The following DSCAM variants were observed in gnomAD, a reference collection of about 807,000 sequenced individuals.
DSCAM encodes the protein cell adhesion molecule DSCAM.
A neutral mutation model predicts 217.7 loss-of-function variants in DSCAM; 47 were observed. The ratio of observed to expected loss-of-function variants is 0.22; its 90% CI spans 0.17 to 0.28. The LOEUF is 0.28. DSCAM is among the 10% of genes least tolerant of loss of function. DSCAM has a pLI of 1.00. For missense variants in DSCAM, 2,080 were observed against 2,618.3 expected (o/e 0.79, Z 4.49); for synonymous variants, 1,056 against 1,015.3 (o/e 1.04, Z -0.76).
intron 1 of DSCAM, among the ~76,000 whole-genome samples, chr21:40,734,334 A>C (rs2091041938): frequency 6.6e-6 from 1 of 152,210 alleles, no homozygotes; most frequent in African/African-American, 2.4e-5. Flanking sequence ...TCCTCTTCCC[A>C]AACCCATCTC....
At chr21:40,749,940 T>C (rs1423223128) in intron 1 of DSCAM, among the ~76,000 whole-genome samples, 4 of 151,888 alleles carry the variant, frequency 2.6e-5, no homozygotes, top group Non-Finnish European at 2.9e-5. Flanking sequence ...TCTTCTTCTT[T>C]TTTTTTTTCC....
At chr21:40,539,739 GA>G (rs1301953845) in intron 3 of DSCAM, among the ~76,000 whole-genome samples, 3 of 151,888 alleles carry the variant, frequency 2.0e-5, no homozygotes, top group Non-Finnish European at 4.4e-5. Flanking sequence ...GTTATTAATT[GA>G]AAAAAAGACA....
intron 9 of DSCAM, among the ~76,000 whole-genome samples, chr21:40,304,356 G>C (rs2074048708): frequency 6.6e-6 from 1 of 152,180 alleles, no homozygotes; most frequent in Non-Finnish European, 1.5e-5. Flanking sequence ...CCTGTATCAA[G>C]CTTGTACTTA....
chr21:40,626,896 G>T (rs1300186650), intron 3 of DSCAM, among the ~76,000 whole-genome samples: 1 of 152,206 alleles, frequency 6.6e-6, no homozygotes. Flanking sequence ...CAAAGCGAAT[G>T]CTATAAAACT....
chr21:40,663,050 T>A (rs1215816920), intron 3 of DSCAM, among the ~76,000 whole-genome samples: 3 of 90,894 alleles, frequency 3.3e-5, no homozygotes, highest in African/African-American at 9.3e-5. Flanking sequence ...CATGTGAGTG[T>A]GTGTGTGTGC....
At position 40,187,901 on chromosome 21, in the gene DSCAM, G is replaced by T. The variant is rs924416871; in HGVS notation, c.2640C>A (p.Leu880=). 6.2e-7 allele frequency: 1 copy of T among 1,613,392 alleles called. No homozygotes were observed. The highest frequency in any genetic ancestry group is 1.7e-5 in the Admixed American group (1 of 59,996). Residue 880 remains leucine (L), a synonymous_variant, in exon 13 of 33, where the codon CTC becomes CTA. Transcript: ENST00000400454. ...CTATCGTCTTCCTACCTTGCACTGTGAGCTGAATTATTCCACGGTCCTCCC... is the reference window on the plus strand; with the variant it reads ...CTATCGTCTTCCTACCTTGCACTGTTAGCTGAATTATTCCACGGTCCTCCC... ...SYGEDRGIIQ[L]TVQEPPDPPE...
At chr21:40,717,961 G>C (rs1273275366) in intron 1 of DSCAM, among the ~76,000 whole-genome samples, 1 of 152,208 alleles carries the variant, frequency 6.6e-6, no homozygotes, top group South Asian at 2.1e-4. Flanking sequence ...TCTGCTGGGA[G>C]TCTAGGCCAG....
At chr21:40,505,175 A>G (rs1375583320) in intron 3 of DSCAM, among the ~76,000 whole-genome samples, 1 of 152,218 alleles carries the variant, frequency 6.6e-6, no homozygotes, top group African/African-American at 2.4e-5. Flanking sequence ...AATCAGTGGA[A>G]GTGGATTTAG....
intron 3 of DSCAM, among the ~76,000 whole-genome samples, chr21:40,534,908 A>T (rs775622372): frequency 6.6e-6 from 1 of 152,060 alleles, no homozygotes; most frequent in Non-Finnish European, 1.5e-5. Flanking sequence ...TAATCTCTAA[A>T]CTTACGTGGT....
At chr21:40,681,078 T>C (rs2090395407) in intron 3 of DSCAM, among the ~76,000 whole-genome samples, 1 of 152,262 alleles carries the variant, frequency 6.6e-6, no homozygotes, top group Non-Finnish European at 1.5e-5. Flanking sequence ...TTTGAGGCAA[T>C]TTTTTCATGC....
chr21:40,014,594 C>T (rs1018012809), intron 32 of DSCAM, among the ~76,000 whole-genome samples: 2 of 152,180 alleles, frequency 1.3e-5, no homozygotes, highest in Admixed American at 6.5e-5. Context: ...CCATCAGCCT[C>T]ACTGCAGCCT....
chr21:40,022,206 C>A (rs1327696200), intron 32 of DSCAM, among the ~76,000 whole-genome samples: 1 of 152,130 alleles, frequency 6.6e-6, no homozygotes. Flanking sequence ...GTGGCTTTGT[C>A]CCCAGGGGAC....
intron 3 of DSCAM, among the ~76,000 whole-genome samples, chr21:40,686,135 CACATCACACACACCCCCTGCATAT>C (rs1337202886): frequency 2.0e-5 from 3 of 151,486 alleles, no homozygotes; most frequent in Non-Finnish European, 4.4e-5. Flanking sequence ...ACAGAGCACA[CACATCACACACACCCCCTGCATAT>C]ATCACACACA....
intron 11 of DSCAM, among the ~76,000 whole-genome samples, chr21:40,263,496 A>G (rs11088511): frequency 0.084 from 12,782 of 152,070 alleles, 1,275 homozygotes; most frequent in East Asian, 0.22. Context: ...GGAAATTTAA[A>G]TTTTTTTTCA....
chr21:40,348,656 C>T (rs1691615919), intron 5 of DSCAM, among the ~76,000 whole-genome samples: 1 of 152,238 alleles, frequency 6.6e-6, no homozygotes, highest in African/African-American at 2.4e-5. Flanking sequence ...TCCTATCAGC[C>T]ACATTTTTGC....
At chr21:40,463,409 C>T (rs1206056605) in intron 3 of DSCAM, among the ~76,000 whole-genome samples, 1 of 152,174 alleles carries the variant, frequency 6.6e-6, no homozygotes, top group Non-Finnish European at 1.5e-5. Flanking sequence ...ACCGAGACCA[C>T]CCGGTATTGC....
intron 30 of DSCAM, 110 bp from the exon 31 acceptor site, chr21:40,044,385 C>G (rs2088809438): frequency 8.7e-7 from 1 of 1,148,054 alleles, no homozygotes; most frequent in Admixed American, 2.7e-5. Flanking sequence ...CGCCCACGCC[C>G]TCCAGGAAAA....
chr21:40,293,513 T>C (rs1291405071), intron 10 of DSCAM, among the ~76,000 whole-genome samples: 1 of 152,186 alleles, frequency 6.6e-6, no homozygotes, highest in East Asian at 1.9e-4. Flanking sequence ...TAAACCCTTG[T>C]GAATTTAAGT....
intron 15 of DSCAM, among the ~76,000 whole-genome samples, chr21:40,174,207 C>T (rs995087750): frequency 8.5e-5 from 13 of 152,202 alleles, no homozygotes; most frequent in African/African-American, 2.7e-4. Context: ...GCCATGAAGA[C>T]TGCGCTGAAT....
Sources: allele counts gnomAD v4.1 joint callset (sites outside exome capture counted in the v4.1 genomes callset), GRCh38; gene constraint gnomAD v4.1.1; transcripts MANE v1.5; gene names NCBI Gene and HGNC (gene_info 2026-07-23, HGNC 2026-07-21).